Variants in CCPG1 observed in about 807,000 individuals in gnomAD.
The protein encoded by CCPG1 is cell cycle progression protein 1.
CCPG1 carries 46 observed loss-of-function variants against 81.3 expected under a neutral mutation model. That is an observed-to-expected ratio of 0.57 (90% CI 0.45 to 0.72). The LOEUF (loss-of-function observed/expected upper bound fraction) is 0.72, where lower values mean the gene tolerates loss of function less well. Among genes scored for constraint, CCPG1 ranks in the 30% least tolerant of loss-of-function variants. The pLI, the probability that CCPG1 is intolerant of heterozygous loss-of-function variation, is 0.00. For synonymous variants in CCPG1, 330 were observed against 305.2 expected, an observed-to-expected ratio of 1.08 and a Z score of -0.85; for missense variants, 902 against 937.6, an observed-to-expected ratio of 0.96 and a Z score of 0.50.
At position 55,356,050 on chromosome 15, in the gene CCPG1, A is replaced by G. The variant is rs994940644; in HGVS notation, c.*170T>C. 5 of 574,018 alleles carry G rather than the reference A, an allele frequency of 8.7e-6. No homozygotes were observed. In the East Asian group the frequency reaches 1.6e-4, roughly 19 times the overall value. The allele number at this position is 574,018 out of a possible 1,614,324, so 35.6% of individuals were successfully genotyped here. On this transcript the variant is annotated 3_prime_UTR_variant, in exon 9 of 9. Coordinates refer to ENST00000442196, the MANE Select transcript of CCPG1 (RefSeq NM_001204450.2). ...GCTAAACTACAGGAAAATGCAGGTT[A>G]GTAGACTTTTAACTAATGCTTCTGA...
At chr15:55,389,317 TA>T (rs1168560541) in intron 2 of CCPG1, 47 bp downstream of exon 2, 5 of 1,277,446 alleles carry the variant, frequency 3.9e-6, no homozygotes, top group Non-Finnish European at 5.7e-6. Flanking sequence ...ACATCACTGG[TA>T]ACATTAATAT....
chr15:55,377,531 C>T lies in CCPG1; in HGVS notation c.253-381G>A, dbSNP rs149169490. Among the ~76,000 whole-genome samples, 47 of 152,270 alleles carry T rather than the reference C, an allele frequency of 3.1e-4. 1 individual carries two copies. In the South Asian group the frequency reaches 9.1e-3, roughly 30 times the overall value. ...CTCACTGAACTTTTTAGGTTATGTA[C>T]GTAATAAACTTCAACAGCTGTATCT... On this transcript the variant is annotated intron_variant, in intron 4 of 8. Coordinates refer to ENST00000442196, the MANE Select transcript of CCPG1 (RefSeq NM_001204450.2).
intron 3 of CCPG1, among the ~76,000 whole-genome samples, chr15:55,379,680 T>A (rs924783369): frequency 1.7e-4 from 26 of 152,126 alleles, no homozygotes; most frequent in African/African-American, 5.3e-4. Context: ...TAATTTTTTT[T>A]AAAAAAGAAA....
intron 1 of CCPG1, among the ~76,000 whole-genome samples, chr15:55,405,525 A>G (rs2057201592): frequency 6.6e-6 from 1 of 152,074 alleles, no homozygotes; most frequent in Non-Finnish European, 1.5e-5. Flanking sequence ...CCACCATACA[A>G]TAGAGCAAGA....
Position 55,360,862 on chromosome 15 carries a change from G to GCAA in CCPG1, c.908_910dup (p.Leu303_Ala304insVal). The GCAA allele has an allele frequency of 6.2e-7, 1 of 1,607,342 alleles. No homozygotes were observed. Among genetic ancestry groups the GCAA allele is most frequent in the Non-Finnish European group, 8.5e-7 (1 of 1,178,144 alleles). The stretch of plus-strand genomic sequence containing the variant: ...TACTCTTAAATACTGATTTTCTGTA[G>GCAA]CAAGGTTCGTTTTCTGAGTTTCAAA... On this transcript the variant is annotated inframe_insertion, in exon 8 of 9. Transcript: ENST00000442196.
chr15:55,397,435 G>C (rs1448656094), intron 1 of CCPG1, among the ~76,000 whole-genome samples: 1 of 106,434 alleles, frequency 9.4e-6, no homozygotes, highest in African/African-American at 7.1e-5. Context: ...GCAGAAGCAA[G>C]AAGTTCATTT....
chr15:55,400,628 C>A (rs1334236723), intron 1 of CCPG1, among the ~76,000 whole-genome samples: 2 of 152,182 alleles, frequency 1.3e-5, no homozygotes, highest in African/African-American at 4.8e-5. Flanking sequence ...AAAGGTAGTA[C>A]AAAGTTGCTG....
rs34210341 is a variant in CCPG1, at chr15:55,366,876, G to GA, written c.707-1568dup. Among the ~76,000 whole-genome samples the GA allele has an allele frequency of 5.3e-5, 8 of 152,008 alleles. 1 individual carries two copies. Among genetic ancestry groups the GA allele is most frequent in the Non-Finnish European group, 8.8e-5 (6 of 67,990 alleles). ...TATTCACATGCGTCATGTATGGGGG[G>GA]AAAAAACCACGAAATCAAAAATAAG... On this transcript the variant is annotated intron_variant, in intron 6 of 8. Transcript: ENST00000442196.
At chr15:55,407,054 G>A (rs374459510) in intron 1 of CCPG1, among the ~76,000 whole-genome samples, 1 of 119,024 alleles carries the variant, frequency 8.4e-6, no homozygotes, top group Non-Finnish European at 1.7e-5. Flanking sequence ...CCCCCGCCCC[G>A]CCGTCTCTAC....
At chr15:55,370,035 C>G (rs997561080) in intron 6 of CCPG1, among the ~76,000 whole-genome samples, 1 of 152,038 alleles carries the variant, frequency 6.6e-6, no homozygotes, top group African/African-American at 2.4e-5. Context: ...AATCTTATTA[C>G]AACAAATTTC....
chr15:55,360,168 G>C lies in CCPG1; in HGVS notation c.1605C>G (p.His535Gln). The C allele has an allele frequency of 6.2e-7, 1 of 1,613,206 alleles. No individual in the cohort carries two copies. Among genetic ancestry groups the C allele is most frequent in the Middle Eastern group, 1.7e-4 (1 of 6,052 alleles). Residue 535 changes from histidine to glutamine, a missense_variant, in exon 8 of 9, where the codon CAC becomes CAG. By Grantham distance (24) the His-to-Gln change is conservative. Transcript: ENST00000442196. The stretch of plus-strand genomic sequence containing the variant: ...AGATATTCTTGGTGGTATCTTTAAA[G>C]TGTCTGAAAGTGGATTTAACTGAAT... ...FSDSVKSTFRHFKDTTKNIFD... is the reference protein window; with the variant it reads ...FSDSVKSTFRQFKDTTKNIFD...
chr15:55,399,417 CAA>C (rs56191750), intron 1 of CCPG1, among the ~76,000 whole-genome samples: 3 of 63,128 alleles, frequency 4.8e-5, no homozygotes, highest in Non-Finnish European at 1.0e-4. Flanking sequence ...ACTAAAAATA[CAA>C]AAAAAAAAAA....
At chr15:55,387,837 G>T (rs1321128927) in intron 2 of CCPG1, among the ~76,000 whole-genome samples, 1 of 135,636 alleles carries the variant, frequency 7.4e-6, no homozygotes, top group African/African-American at 2.6e-5. Context: ...TGAGCACCAC[G>T]CCCGGCCTAT....
intron 1 of CCPG1, among the ~76,000 whole-genome samples, chr15:55,393,852 C>T (rs1161830785): frequency 6.6e-6 from 1 of 152,132 alleles, no homozygotes; most frequent in African/African-American, 2.4e-5. Flanking sequence ...AGGGTATACA[C>T]CAAGTAACCA....
chr15:55,406,320 G>GT (rs987679137), intron 1 of CCPG1, among the ~76,000 whole-genome samples: 2 of 148,634 alleles, frequency 1.3e-5, no homozygotes, highest in Non-Finnish European at 3.0e-5. Flanking sequence ...TTTTTTAAAA[G>GT]TTTTTTCTAC....
At chr15:55,373,625 C>T (rs1333752533) in intron 5 of CCPG1, among the ~76,000 whole-genome samples, 2 of 151,994 alleles carry the variant, frequency 1.3e-5, no homozygotes, top group Non-Finnish European at 2.9e-5. Flanking sequence ...TCAAAGATGC[C>T]GTCGCCTCAG....
Position 55,378,326 on chromosome 15 carries a change from A to C in CCPG1, c.226T>G (p.Leu76Val). Residue 76 changes from leucine to valine, a missense_variant, in exon 4 of 9, where the codon TTG becomes GTG. Leu to Val is a conservative substitution (Grantham distance 32). Coordinates refer to ENST00000442196, the MANE Select transcript of CCPG1 (RefSeq NM_001204450.2). ...VLMEETAYPA[L>V]EETSSTIEAE... ...TCAATTGTTGAGCTGGTTTCCTCCA[A>C]AGCTGGATAAGCAGTTTCTTCCATA... 1 of 1,611,756 alleles carries C rather than the reference A, an allele frequency of 6.2e-7. No homozygotes were observed. The highest frequency in any genetic ancestry group is 8.5e-7 in the Non-Finnish European group (1 of 1,178,628).
At chr15:55,357,328 T>A (rs1261957174) in intron 8 of CCPG1, 4 of 985,214 alleles carry the variant, frequency 4.1e-6, no homozygotes, top group Non-Finnish European at 4.8e-6. Flanking sequence ...TTCCAAATGT[T>A]TTTTCCTTTC....
intron 7 of CCPG1, among the ~76,000 whole-genome samples, chr15:55,362,407 T>C (rs1157338866): frequency 6.6e-6 from 1 of 151,804 alleles, no homozygotes; most frequent in Admixed American, 6.6e-5. Context: ...CTATCTGAAA[T>C]GACTGCTTCA....
Sources: gnomAD v4.1 joint callset for allele counts (sites outside exome capture counted in the v4.1 genomes callset) on GRCh38, gnomAD v4.1.1 for gene constraint, MANE v1.5 for transcripts, NCBI Gene and HGNC (gene_info 2026-07-23, HGNC 2026-07-21) for gene names.